Variants in HEXA observed in about 807,000 individuals in gnomAD.
HEXA encodes hexosaminidase subunit alpha.
Under a neutral mutation model 73.3 loss-of-function variants are expected in HEXA, and 54 were observed. That is an observed-to-expected ratio of 0.74 (90% CI 0.59 to 0.92). The LOEUF (loss-of-function observed/expected upper bound fraction) is 0.92, where lower values mean the gene tolerates loss of function less well. HEXA is among the 40% of genes least tolerant of loss of function. The probability of loss-of-function intolerance (pLI) is 0.00; values close to 1 mark genes in which losing one functional copy is unlikely to be tolerated. For synonymous variants in HEXA, 230 were observed against 246.9 expected (o/e 0.93, Z 0.64); for missense variants, 649 against 653.0 (o/e 0.99, Z 0.07).
At chr15:72,354,571 T>C (rs1191951378) in intron 3 of HEXA, 1 of 152,398 alleles carries the variant, frequency 6.6e-6, no homozygotes, top group Non-Finnish European at 1.5e-5. Context: ...CTCCCCACTC[T>C]GACTCTGACA....
chr15:72,360,489 C>G (rs1198799010), intron 1 of HEXA: 1 of 152,366 alleles, frequency 6.6e-6, no homozygotes, highest in South Asian at 2.1e-4. Flanking sequence ...TCCTGGACCT[C>G]CACCTTGATG....
intron 1 of HEXA, among the ~76,000 whole-genome samples, chr15:72,372,193 T>G (rs2089002972): frequency 6.6e-6 from 1 of 151,694 alleles, no homozygotes; most frequent in Admixed American, 6.6e-5. Flanking sequence ...TACTAAAAAA[T>G]AAAAAATTAG....
At chr15:72,375,488 A>C (rs1272439610) in intron 1 of HEXA, among the ~76,000 whole-genome samples, 1 of 152,200 alleles carries the variant, frequency 6.6e-6, no homozygotes, top group Non-Finnish European at 1.5e-5. Flanking sequence ...CAGAAGGATC[A>C]CCTTAGATTT....
At chr15:72,346,491 C>T in intron 11 of HEXA, 36 bp downstream of exon 11, 1 of 1,606,054 alleles carries the variant, frequency 6.2e-7, no homozygotes, top group Non-Finnish European at 8.5e-7. Flanking sequence ...CCAACCCAGC[C>T]TCCTTTGGTT....
intron 9 of HEXA, 51 bp downstream of exon 9, chr15:72,347,997 C>A (rs545676277): frequency 7.8e-7 from 1 of 1,287,616 alleles, no homozygotes; most frequent in African/African-American, 1.5e-5. Context: ...AAAGGGAGGA[C>A]CCCACAGGAG....
intron 3 of HEXA, 46 bp downstream of exon 3, chr15:72,355,513 C>G (rs1208444539): frequency 7.3e-7 from 1 of 1,374,520 alleles, no homozygotes. Flanking sequence ...CCAACCTTCC[C>G]ACATCATCCT....
At chr15:72,348,233 C>A (rs1228094391) in intron 8 of HEXA, 99 bp from the exon 9 acceptor site, 1 of 818,158 alleles carries the variant, frequency 1.2e-6, no homozygotes, top group Non-Finnish European at 2.1e-6. Context: ...CTCTTTTCAC[C>A]TGAAAAATCA....
chr15:72,344,233 T>C (rs2088582810), intron 13 of HEXA, 93 bp from the exon 14 acceptor site: 4 of 842,398 alleles, frequency 4.7e-6, no homozygotes, highest in Non-Finnish European at 8.0e-6. Flanking sequence ...TCCTTCCCCA[T>C]TTCGGTGACT....
chr15:72,375,686 G>A, intron 1 of HEXA, 34 bp downstream of exon 1: 1 of 1,612,784 alleles, frequency 6.2e-7, no homozygotes, highest in East Asian at 2.2e-5. Context: ...GCACTCTCAG[G>A]GCCCAGGAAC....
intron 1 of HEXA, among the ~76,000 whole-genome samples, chr15:72,373,816 T>C (rs1428195271): frequency 6.6e-6 from 1 of 152,010 alleles, no homozygotes; most frequent in Non-Finnish European, 1.5e-5. Context: ...CTGGCCAACA[T>C]GGTGAAACCC....
rs1236529587 is a variant in HEXA, at chr15:72,342,213, G to A, written c.*1864C>T. On this transcript the variant is annotated 3_prime_UTR_variant, in exon 14 of 14. Transcript: ENST00000268097. ...CTATAGCCCTGGACTTGGCTAGGCT[G>A]GGCTGTGTGAAAATTCCAAGAATTC... 6.6e-6 allele frequency: 1 copy of A among 152,206 alleles called. No homozygotes were observed. The highest frequency in any genetic ancestry group is 1.5e-5 in the Non-Finnish European group (1 of 68,100). The allele number at this position is 152,206 out of a possible 1,614,324, so 9.4% of individuals were successfully genotyped here.
chr15:72,368,448 T>C (rs949457968), intron 1 of HEXA, among the ~76,000 whole-genome samples: 9 of 152,216 alleles, frequency 5.9e-5, no homozygotes, highest in African/African-American at 1.4e-4. Context: ...TTCTCAAAGA[T>C]TGGGATAACA....
At chr15:72,368,960 A>G (rs1264533757) in intron 1 of HEXA, among the ~76,000 whole-genome samples, 2 of 152,220 alleles carry the variant, frequency 1.3e-5, no homozygotes, top group African/African-American at 4.8e-5. Flanking sequence ...GCTTTACAAA[A>G]GAAGGGGAAG....
chr15:72,345,522 G>A lies in HEXA; in HGVS notation c.1450C>T (p.Leu484=). 6.2e-7 allele frequency: 1 copy of A among 1,614,248 alleles called. No individual in the cohort carries two copies. Among genetic ancestry groups the A allele is most frequent in the Non-Finnish European group, 8.5e-7 (1 of 1,180,040 alleles). The part of the protein sequence containing the change: ...WPRAGAVAER[L]WSNKLTSDLT... ...TCAGATGTCAACTTGTTGCTCCACA[G>A]CCTTTCGGCAACAGCCCCTGCTCTG... The change falls in exon 13 of 14, where the codon CTG becomes TTG. Residue 484 remains leucine (L), a synonymous_variant. Transcript: ENST00000268097.
chr15:72,349,301 A>G, intron 7 of HEXA, 42 bp from the exon 8 acceptor site: 1 of 1,488,630 alleles, frequency 6.7e-7, no homozygotes, highest in Non-Finnish European at 9.4e-7. Context: ...ACAAATACAT[A>G]AACCCCCACG....
intron 3 of HEXA, chr15:72,354,533 G>C (rs1360552549): frequency 6.6e-6 from 1 of 152,320 alleles, no homozygotes; most frequent in Non-Finnish European, 1.5e-5. Flanking sequence ...CCTGATTTGA[G>C]CAGACTGCTA....
chr15:72,359,531 C>T (rs1256757915), intron 1 of HEXA: 1 of 151,256 alleles, frequency 6.6e-6, no homozygotes, highest in African/African-American at 2.4e-5. Context: ...CCTGTCTCTA[C>T]TAAAAATACA....
Position 72,345,543 on chromosome 15 carries a change from C to A in HEXA, c.1429G>T (p.Ala477Ser), listed in dbSNP as rs1020196816. ...CACAGCCTTTCGGCAACAGCCCCTGCTCTGGGCCTGGAGGAAAAGGGGCAT... is the reference window on the plus strand; with the variant it reads ...CACAGCCTTTCGGCAACAGCCCCTGATCTGGGCCTGGAGGAAAAGGGGCAT... ...TNLVPRLWPR[A>S]GAVAERLWSN... The change falls in exon 13 of 14, where the codon GCA (alanine) becomes TCA (serine). Residue 477 changes from alanine to serine, a missense_variant. Coordinates refer to ENST00000268097, the MANE Select transcript of HEXA (RefSeq NM_000520.6). 3 of 1,614,092 alleles carry A rather than the reference C, an allele frequency of 1.9e-6. No homozygotes were observed. In the African/African-American group the frequency reaches 4.0e-5, roughly 22 times the overall value.
rs121907976 is a variant in HEXA at position 72,351,194 on chromosome 15, T to C, written c.611A>G (p.His204Arg). ...TGGGAAGGAAGGATCATCTACCAGA[T>C]GCCAGTGGAACACGTTCAATTTATT... ...AYNKLNVFHW[H>R]LVDDPSFPYE... Residue 204 changes from histidine (H) to arginine (R), a missense_variant, in exon 6 of 14, where the codon CAT becomes CGT. His to Arg is a conservative substitution (Grantham distance 29). Coordinates refer to ENST00000268097, the MANE Select transcript of HEXA (RefSeq NM_000520.6). 3 of 1,613,202 alleles carry C rather than the reference T, an allele frequency of 1.9e-6. No individual in the cohort carries two copies. Among genetic ancestry groups the C allele is most frequent in the Non-Finnish European group, 1.7e-6 (2 of 1,179,140 alleles).
Sources: allele counts gnomAD v4.1 joint callset (sites outside exome capture counted in the v4.1 genomes callset), GRCh38; gene constraint gnomAD v4.1.1; transcripts MANE v1.5; gene names NCBI Gene and HGNC (gene_info 2026-07-23, HGNC 2026-07-21).